AGBL4: variants seen among roughly 807,000 people sequenced by gnomAD.
AGBL4 encodes the protein AGBL carboxypeptidase 4.
A neutral mutation model predicts 66.4 loss-of-function variants in AGBL4; 58 were observed. The observed-to-expected ratio is 0.87, with a 90% CI of 0.71 to 1.09. The LOEUF is 1.09. Ranked by LOEUF, AGBL4 falls within the 50% of genes least tolerant of loss-of-function variation. The pLI is 0.00. For missense variants in AGBL4, 579 were observed against 631.0 expected, an observed-to-expected ratio of 0.92 and a Z score of 0.88; for synonymous variants, 234 against 222.9, an observed-to-expected ratio of 1.05 and a Z score of -0.44.
At chr1:49,775,281 G>A (rs1385889818) in intron 2 of AGBL4, among the ~76,000 whole-genome samples, 1 of 152,012 alleles carries the variant, frequency 6.6e-6, no homozygotes, top group East Asian at 1.9e-4. Flanking sequence ...GGATAATGAT[G>A]GTATCTACCT....
At chr1:49,087,375 T>C (rs1644927154) in intron 4 of AGBL4, among the ~76,000 whole-genome samples, 1 of 152,136 alleles carries the variant, frequency 6.6e-6, no homozygotes, top group Non-Finnish European at 1.5e-5. Flanking sequence ...AAAGATGAAA[T>C]GGTCATTTTA....
At chr1:49,829,851 A>G (rs1645611695) in intron 2 of AGBL4, among the ~76,000 whole-genome samples, 1 of 152,134 alleles carries the variant, frequency 6.6e-6, no homozygotes, top group Admixed American at 6.5e-5. Context: ...CCCACTAATG[A>G]GTGAAAATAT....
At chr1:48,570,487 G>C (rs948166285) in intron 11 of AGBL4, among the ~76,000 whole-genome samples, 1 of 152,194 alleles carries the variant, frequency 6.6e-6, no homozygotes, top group Non-Finnish European at 1.5e-5. Flanking sequence ...TGGGTTCAGA[G>C]CTTGGCTATG....
chr1:48,827,073 T>G (rs1223711560), intron 6 of AGBL4, among the ~76,000 whole-genome samples: 3 of 152,236 alleles, frequency 2.0e-5, no homozygotes, highest in African/African-American at 7.2e-5. Context: ...GGACAAATGC[T>G]ATGTTTTCTT....
intron 5 of AGBL4, among the ~76,000 whole-genome samples, chr1:48,968,321 T>C (rs141601230): frequency 6.6e-6 from 1 of 152,184 alleles, no homozygotes; most frequent in African/African-American, 2.4e-5. Flanking sequence ...TGGACTTCAT[T>C]CTAGGTGAAT....
intron 4 of AGBL4, among the ~76,000 whole-genome samples, chr1:49,242,802 A>T (rs1651338690): frequency 6.6e-6 from 1 of 151,892 alleles, no homozygotes; most frequent in Non-Finnish European, 1.5e-5. Flanking sequence ...ATTTGCTGCT[A>T]GATGTCTCCT....
intron 10 of AGBL4, among the ~76,000 whole-genome samples, chr1:48,589,735 A>G (rs2148345769): frequency 6.6e-6 from 1 of 152,342 alleles, no homozygotes; most frequent in East Asian, 1.9e-4. Flanking sequence ...CCAGGAAGCT[A>G]TAATGCAGTG....
chr1:49,242,266 A>G (rs1651295086), intron 4 of AGBL4, among the ~76,000 whole-genome samples: 1 of 152,064 alleles, frequency 6.6e-6, no homozygotes, highest in African/African-American at 2.4e-5. Context: ...GTTAAATGGA[A>G]GCCATCTCTA....
chr1:49,417,717 A>C (rs1645457935), intron 3 of AGBL4, among the ~76,000 whole-genome samples: 1 of 152,126 alleles, frequency 6.6e-6, no homozygotes, highest in South Asian at 2.1e-4. Flanking sequence ...CATTGGAATG[A>C]TGTCTTTAGG....
intron 3 of AGBL4, chr1:49,257,531 C>G (rs556328730): frequency 6.5e-6 from 1 of 152,962 alleles, no homozygotes; most frequent in Non-Finnish European, 1.5e-5. Flanking sequence ...CAGAAAAGCG[C>G]AGTATTCGGG....
At chr1:48,879,462 AC>A (rs1649548601) in intron 5 of AGBL4, among the ~76,000 whole-genome samples, 1 of 152,144 alleles carries the variant, frequency 6.6e-6, no homozygotes, top group Admixed American at 6.5e-5. Context: ...ATTCCCTTAC[AC>A]TTTGTATAGA....
intron 6 of AGBL4, among the ~76,000 whole-genome samples, chr1:48,834,775 C>G (rs1425563938): frequency 6.6e-6 from 1 of 152,148 alleles, no homozygotes. Flanking sequence ...GGAAACTTCT[C>G]ATTTCCAAGA....
At chr1:49,525,611 C>G (rs532827867) in intron 3 of AGBL4, among the ~76,000 whole-genome samples, 2 of 152,138 alleles carry the variant, frequency 1.3e-5, no homozygotes, top group African/African-American at 4.8e-5. Context: ...AGCACAGTAT[C>G]AGGCATTCCT....
At chr1:48,561,491 A>G (rs913997487) in intron 11 of AGBL4, among the ~76,000 whole-genome samples, 1 of 152,178 alleles carries the variant, frequency 6.6e-6, no homozygotes, top group African/African-American at 2.4e-5. Flanking sequence ...AACCCATGTG[A>G]TGGTTCATTT....
chr1:49,913,495 C>T (rs1651064597), intron 1 of AGBL4, among the ~76,000 whole-genome samples: 1 of 152,242 alleles, frequency 6.6e-6, no homozygotes, highest in Non-Finnish European at 1.5e-5. Context: ...TATGGCGTTG[C>T]TGGGCTCAGC....
chr1:49,990,856 T>C (rs1659889379), intron 1 of AGBL4, among the ~76,000 whole-genome samples: 1 of 152,230 alleles, frequency 6.6e-6, no homozygotes, highest in Non-Finnish European at 1.5e-5. Flanking sequence ...TTTAGCACAA[T>C]GACTTTTACT....
intron 6 of AGBL4, chr1:48,776,647 C>A: frequency 6.7e-7 from 1 of 1,489,756 alleles, no homozygotes; most frequent in Non-Finnish European, 8.9e-7. Context: ...CAACAGCGCG[C>A]CCCAGTCGCG....
chr1:50,010,100 G>A lies in AGBL4; in HGVS notation c.34+13663C>T, dbSNP rs185201899. ...AGGTGGGTGGATCACGAGGTCAGGA[G>A]ATTGAGACCACCCTGGCTAACAAGA... On this transcript the variant is annotated intron_variant, in intron 1 of 13. Transcript: ENST00000371839. 4.0e-3 allele frequency among the ~76,000 whole-genome samples: 603 copies of A among 152,194 alleles called. 8 individuals carry two copies. Among genetic ancestry groups the A allele is most frequent in the Non-Finnish European group, 3.9e-3 (263 of 68,004 alleles).
chr1:49,801,390 C>T (rs1405200000), intron 2 of AGBL4, among the ~76,000 whole-genome samples: 1 of 152,170 alleles, frequency 6.6e-6, no homozygotes, highest in Non-Finnish European at 1.5e-5. Flanking sequence ...CTTGACAACG[C>T]TTTAAACAGA....
Sources: allele counts gnomAD v4.1 joint callset (sites outside exome capture counted in the v4.1 genomes callset), GRCh38; gene constraint gnomAD v4.1.1; transcripts MANE v1.5; gene names NCBI Gene and HGNC (gene_info 2026-07-23, HGNC 2026-07-21).